Variants in DPY19L2 observed in about 807,000 individuals in gnomAD.
The protein encoded by DPY19L2 is dpy-19 like 2.
A neutral mutation model predicts 97.9 loss-of-function variants in DPY19L2; 34 were observed. The ratio of observed to expected loss-of-function variants is 0.35; its 90% CI spans 0.26 to 0.46. DPY19L2 has a LOEUF of 0.46. DPY19L2 is among the 20% of genes least tolerant of loss of function. DPY19L2 has a pLI of 1.00. For synonymous variants in DPY19L2, 230 were observed against 307.9 expected (o/e 0.75, Z 2.65); for missense variants, 623 against 911.4 (o/e 0.68, Z 4.07).
At chr12:63,639,919 C>T (rs554780883) in intron 6 of DPY19L2, among the ~76,000 whole-genome samples, 1 of 152,128 alleles carries the variant, frequency 6.6e-6, no homozygotes, top group Admixed American at 6.5e-5. Context: ...TATTGTGGCA[C>T]TATTCACAAT....
At chr12:63,581,478 TC>T (rs1469019941) in intron 18 of DPY19L2, among the ~76,000 whole-genome samples, 4 of 103,262 alleles carry the variant, frequency 3.9e-5, no homozygotes, top group Non-Finnish European at 7.6e-5. Flanking sequence ...ACCAGGAAAC[TC>T]TTTTTTTTTT....
chr12:63,594,238 T>C (rs1883702491), intron 15 of DPY19L2, 105 bp from the exon 16 acceptor site: 2 of 906,334 alleles, frequency 2.2e-6, no homozygotes, highest in Non-Finnish European at 3.3e-6. Context: ...GAAGTATTTT[T>C]TAATGTTTAA....
chr12:63,666,508 G>A, intron 1 of DPY19L2: 1 of 445,388 alleles, frequency 2.2e-6, no homozygotes, highest in Non-Finnish European at 4.5e-6. Context: ...GCTTTTACAG[G>A]AGCTGCAAAC....
At chr12:63,624,904 T>C (rs2137842161) in intron 7 of DPY19L2, among the ~76,000 whole-genome samples, 1 of 152,262 alleles carries the variant, frequency 6.6e-6, no homozygotes, top group East Asian at 1.9e-4. Context: ...GGAATTATGA[T>C]ACATATAAGA....
intron 13 of DPY19L2, 36 bp downstream of exon 13, chr12:63,600,270 A>G (rs2137561911): frequency 1.3e-6 from 2 of 1,523,838 alleles, no homozygotes; most frequent in Non-Finnish European, 9.1e-7. Flanking sequence ...CTACATATTT[A>G]TAAGAACTTT....
chr12:63,647,417 T>C, intron 4 of DPY19L2, 52 bp from the exon 5 acceptor site: 1 of 611,208 alleles, frequency 1.6e-6, no homozygotes, highest in Non-Finnish European at 2.5e-6. Context: ...ATTCTCTTCA[T>C]AATAATAATA....
chr12:63,617,440 T>C, intron 10 of DPY19L2, 50 bp from the exon 11 acceptor site: 1 of 1,313,008 alleles, frequency 7.6e-7, no homozygotes, highest in South Asian at 1.3e-5. Flanking sequence ...TATATTGGCA[T>C]AATGCATATT....
intron 16 of DPY19L2, 35 bp downstream of exon 16, chr12:63,594,052 A>T (rs1883658665): frequency 2.3e-5 from 31 of 1,370,330 alleles, no homozygotes; most frequent in Non-Finnish European, 3.1e-5. Flanking sequence ...ATAATGGAAT[A>T]CTGTATGTTT....
chr12:63,640,720 G>A (rs1007098476), intron 6 of DPY19L2, among the ~76,000 whole-genome samples: 1 of 151,814 alleles, frequency 6.6e-6, no homozygotes, highest in African/African-American at 2.4e-5. Flanking sequence ...TATATTCCAG[G>A]ACTATATAAC....
intron 4 of DPY19L2, among the ~76,000 whole-genome samples, chr12:63,653,023 A>G (rs1461057649): frequency 6.6e-6 from 1 of 152,170 alleles, no homozygotes; most frequent in Non-Finnish European, 1.5e-5. Context: ...CAAAATAAAA[A>G]ACCTTAAATA....
At chr12:63,614,490 T>TA (rs755874651) in intron 11 of DPY19L2, among the ~76,000 whole-genome samples, 13 of 151,774 alleles carry the variant, frequency 8.6e-5, no homozygotes, top group Admixed American at 2.0e-4. Flanking sequence ...ACAGAATTAG[T>TA]AAAAAAAATA....
chr12:63,602,094 T>A (rs2659923), intron 12 of DPY19L2, among the ~76,000 whole-genome samples: 29,039 of 151,858 alleles, frequency 0.19, 4,126 homozygotes, highest in African/African-American at 0.42. Context: ...AACAGAAGAA[T>A]ATTATGCAGA....
At chr12:63,648,884 A>G (rs1893797270) in intron 4 of DPY19L2, among the ~76,000 whole-genome samples, 1 of 152,160 alleles carries the variant, frequency 6.6e-6, no homozygotes, top group Non-Finnish European at 1.5e-5. Context: ...GATGAAAGAA[A>G]TATTAGCATT....
At chr12:63,638,010 A>G (rs1318401512) in intron 6 of DPY19L2, among the ~76,000 whole-genome samples, 3 of 152,192 alleles carry the variant, frequency 2.0e-5, no homozygotes, top group Admixed American at 6.5e-5. Flanking sequence ...CTTATCCACC[A>G]TGATCAAGTG....
intron 6 of DPY19L2, among the ~76,000 whole-genome samples, chr12:63,639,345 A>C (rs575075685): frequency 6.6e-6 from 1 of 152,324 alleles, no homozygotes; most frequent in Non-Finnish European, 1.5e-5. Flanking sequence ...CAAAATTGAC[A>C]AATGGGATCT....
At chr12:63,592,708 C>A (rs1367502409) in intron 16 of DPY19L2, among the ~76,000 whole-genome samples, 1 of 148,514 alleles carries the variant, frequency 6.7e-6, no homozygotes, top group East Asian at 2.0e-4. Flanking sequence ...CTAGGCATTA[C>A]CATTCAGGAC....
chr12:63,631,391 G>C (rs879073090), intron 6 of DPY19L2, among the ~76,000 whole-genome samples: 1 of 152,052 alleles, frequency 6.6e-6, no homozygotes, highest in African/African-American at 2.4e-5. Context: ...TATCACCACC[G>C]ATCACTCAGA....
At chr12:63,605,766 TG>T (rs1885934717) in intron 12 of DPY19L2, among the ~76,000 whole-genome samples, 2 of 152,178 alleles carry the variant, frequency 1.3e-5, no homozygotes, top group Non-Finnish European at 2.9e-5. Flanking sequence ...ACATTCAAAA[TG>T]GCTAGGCCTG....
chr12:63,621,175 A>C, intron 9 of DPY19L2, 63 bp downstream of exon 9: 2 of 1,192,146 alleles, frequency 1.7e-6, no homozygotes, highest in South Asian at 2.8e-5. Flanking sequence ...AAACCTGTAC[A>C]TCCCGCACAT....
Sources: allele counts gnomAD v4.1 joint callset (sites outside exome capture counted in the v4.1 genomes callset), GRCh38; gene constraint gnomAD v4.1.1; transcripts MANE v1.5; gene names NCBI Gene and HGNC (gene_info 2026-07-23, HGNC 2026-07-21).